Variants in ALPK1 observed in about 807,000 individuals in gnomAD.
ALPK1 encodes the protein alpha-protein kinase 1.
A neutral mutation model predicts 120.6 loss-of-function variants in ALPK1; 110 were observed. The observed-to-expected ratio is 0.91, with a 90% CI of 0.78 to 1.07. The LOEUF (loss-of-function observed/expected upper bound fraction) is 1.07, where lower values mean the gene tolerates loss of function less well. Ranked by LOEUF, ALPK1 falls within the 50% of genes least tolerant of loss-of-function variation. ALPK1 has a pLI of 0.00. For missense variants in ALPK1, 1,498 were observed against 1,483.9 expected (o/e 1.01, Z -0.16); for synonymous variants, 582 against 560.3 (o/e 1.04, Z -0.55).
At chr4:112,412,420 C>T (rs1733526688) in intron 5 of ALPK1, 1 of 462,426 alleles carries the variant, frequency 2.2e-6, no homozygotes, top group South Asian at 1.5e-5. Flanking sequence ...TTCTGTAGGA[C>T]CACTTGACTA....
At chr4:112,323,443 A>G (rs991979567) in intron 2 of ALPK1, among the ~76,000 whole-genome samples, 10 of 152,154 alleles carry the variant, frequency 6.6e-5, no homozygotes, top group African/African-American at 2.4e-4. Flanking sequence ...ATTCATCCTT[A>G]TATCACCTTA....
intron 1 of ALPK1, among the ~76,000 whole-genome samples, chr4:112,308,394 A>G (rs1012054063): frequency 6.6e-6 from 1 of 152,080 alleles, no homozygotes; most frequent in Non-Finnish European, 1.5e-5. Context: ...CCAATCAGAC[A>G]TAGATTTGGT....
At position 112,425,762 on chromosome 4, in the gene ALPK1, G is replaced by A; in HGVS notation, c.622+11G>A. The A allele has an allele frequency of 6.2e-7, 1 of 1,605,262 alleles. No homozygotes were observed. The highest frequency in any genetic ancestry group is 8.5e-7 in the Non-Finnish European group (1 of 1,173,758). On this transcript the variant is annotated intron_variant, in intron 7 of 15. Coordinates refer to ENST00000650871, the MANE Select transcript of ALPK1 (RefSeq NM_025144.4). ...TTCTGCAAAAGCTGGGTACAATCATGTAAAACTTGCATTTCTCAAGGCTCA... is the reference window on the plus strand; with the variant it reads ...TTCTGCAAAAGCTGGGTACAATCATATAAAACTTGCATTTCTCAAGGCTCA...
intron 4 of ALPK1, among the ~76,000 whole-genome samples, chr4:112,407,213 AT>A (rs757656660): frequency 6.6e-6 from 1 of 152,218 alleles, no homozygotes; most frequent in Non-Finnish European, 1.5e-5. Flanking sequence ...AAAGTGAAAA[AT>A]GTCTGAAGAT....
At chr4:112,402,828 T>C (rs1049645378) in intron 4 of ALPK1, among the ~76,000 whole-genome samples, 2 of 152,220 alleles carry the variant, frequency 1.3e-5, no homozygotes, top group Non-Finnish European at 2.9e-5. Context: ...GATCTTGAGC[T>C]ATACTATGTT....
intron 4 of ALPK1, among the ~76,000 whole-genome samples, chr4:112,385,825 T>G (rs1732129052): frequency 6.6e-6 from 1 of 152,234 alleles, no homozygotes; most frequent in Non-Finnish European, 1.5e-5. Context: ...TAAAAAATAT[T>G]TAAAGATTAC....
chr4:112,356,646 A>C (rs991035258), intron 2 of ALPK1: 6 of 822,544 alleles, frequency 7.3e-6, no homozygotes, highest in Non-Finnish European at 1.3e-5. Flanking sequence ...TCGCTCTGTC[A>C]TTTCTACAAC....
Position 112,432,320 on chromosome 4 carries a change from A to T in ALPK1, c.2773A>T (p.Ser925Cys), listed in dbSNP as rs781516933. Residue 925 changes from serine (S) to cysteine (C), a missense_variant, in exon 11 of 16, where the codon AGC becomes TGC. Physicochemically the swap from Ser to Cys is moderately radical, Grantham distance 112 (BLOSUM62 -1). Transcript: ENST00000650871. ...GNMLNCSQNS[S>C]SSSVWWLKSP... ...CATGCTAAACTGCAGCCAGAACTCC[A>T]GCTCATCCTCAGTGTGGTGGCTGAA... 6.2e-7 allele frequency: 1 copy of T among 1,614,126 alleles called. No individual in the cohort carries two copies. Among genetic ancestry groups the T allele is most frequent in the African/African-American group, 1.3e-5 (1 of 74,942 alleles).
At chr4:112,361,625 C>G (rs1560653504) in intron 2 of ALPK1, among the ~76,000 whole-genome samples, 1 of 152,216 alleles carries the variant, frequency 6.6e-6, no homozygotes, top group Non-Finnish European at 1.5e-5. Flanking sequence ...GATGACCTTT[C>G]ACTACCTTCC....
At chr4:112,397,830 A>G (rs2071674431) in intron 4 of ALPK1, among the ~76,000 whole-genome samples, 1 of 152,036 alleles carries the variant, frequency 6.6e-6, no homozygotes, top group Non-Finnish European at 1.5e-5. Flanking sequence ...TTCTTAAAAT[A>G]TATATATTCC....
At chr4:112,336,221 T>A (rs1245266028) in intron 2 of ALPK1, among the ~76,000 whole-genome samples, 1 of 152,146 alleles carries the variant, frequency 6.6e-6, no homozygotes, top group Admixed American at 6.6e-5. Flanking sequence ...GACCTAGTGA[T>A]CCCAGCAGAA....
intron 2 of ALPK1, among the ~76,000 whole-genome samples, chr4:112,350,535 T>C (rs911484913): frequency 5.9e-5 from 9 of 152,202 alleles, no homozygotes; most frequent in Admixed American, 3.9e-4. Context: ...ACAGACTAAA[T>C]GGTCAAGACT....
intron 4 of ALPK1, among the ~76,000 whole-genome samples, chr4:112,387,188 C>T (rs966720423): frequency 6.6e-5 from 10 of 152,158 alleles, no homozygotes; most frequent in African/African-American, 2.4e-4. Context: ...GTGGATGCCA[C>T]CTTGGGAATT....
At chr4:112,398,733 A>C (rs1732778513) in intron 4 of ALPK1, among the ~76,000 whole-genome samples, 1 of 152,182 alleles carries the variant, frequency 6.6e-6, no homozygotes, top group Non-Finnish European at 1.5e-5. Flanking sequence ...AGGCAAGAGC[A>C]GGGACCCTAT....
At chr4:112,357,565 GC>G in intron 2 of ALPK1, 1 of 1,343,326 alleles carries the variant, frequency 7.4e-7, no homozygotes, top group Non-Finnish European at 1.1e-6. Context: ...TGGCACACTG[GC>G]CCCCGGGTCC....
rs145010741 is a variant in ALPK1, at chr4:112,381,873, A to G, written c.122-525A>G. On this transcript the variant is annotated intron_variant, in intron 3 of 15. Coordinates refer to ENST00000650871, the MANE Select transcript of ALPK1 (RefSeq NM_025144.4). ...GTGAAACAGGGCCATTTCACAATTA[A>G]TTTACACCATTTCAAATCTGATATG... 2.0e-3 allele frequency among the ~76,000 whole-genome samples: 309 copies of G among 152,338 alleles called. 1 individual carries two copies. The highest frequency in any genetic ancestry group is 7.0e-3 in the African/African-American group (291 of 41,562).
At chr4:112,390,585 T>G (rs7664678) in intron 4 of ALPK1, among the ~76,000 whole-genome samples, 52,464 of 151,952 alleles carry the variant, frequency 0.35, 9,193 homozygotes, top group East Asian at 0.53. Flanking sequence ...AGAACACCCT[T>G]GGATGGATGG....
intron 1 of ALPK1, among the ~76,000 whole-genome samples, chr4:112,301,891 G>A (rs1015040990): frequency 1.3e-5 from 2 of 152,066 alleles, no homozygotes; most frequent in African/African-American, 2.4e-5. Flanking sequence ...TCGACTTACA[G>A]ATGCATTTTC....
chr4:112,303,206 G>A (rs1727867889), intron 1 of ALPK1, among the ~76,000 whole-genome samples: 1 of 151,958 alleles, frequency 6.6e-6, no homozygotes, highest in Non-Finnish European at 1.5e-5. Context: ...TGTTCACCTT[G>A]GATGTACTTA....
Sources: allele counts gnomAD v4.1 joint callset (sites outside exome capture counted in the v4.1 genomes callset), GRCh38; gene constraint gnomAD v4.1.1; transcripts MANE v1.5; gene names NCBI Gene and HGNC (gene_info 2026-07-23, HGNC 2026-07-21).